The following CLEC9A variants were observed in gnomAD, a reference collection of about 807,000 sequenced individuals.
CLEC9A encodes C-type lectin domain containing 9A.
A neutral mutation model predicts 30.0 loss-of-function variants in CLEC9A; 24 were observed. The ratio of observed to expected loss-of-function variants is 0.80; its 90% CI spans 0.58 to 1.13. The LOEUF (loss-of-function observed/expected upper bound fraction) is 1.13. CLEC9A is among the 50% of genes most tolerant of loss of function. The pLI is 0.00. For missense variants in CLEC9A, 251 were observed against 280.9 expected (o/e 0.89, Z 0.76); for synonymous variants, 111 against 96.8 (o/e 1.15, Z -0.86).
At chr12:10,032,783 C>G (rs1028200165) in intron 1 of CLEC9A, among the ~76,000 whole-genome samples, 25 of 152,122 alleles carry the variant, frequency 1.6e-4, no homozygotes, top group African/African-American at 5.6e-4. Context: ...ACCTTCACCT[C>G]CCAACATGGT....
intron 6 of CLEC9A, among the ~76,000 whole-genome samples, chr12:10,061,594 G>A (rs1179508170): frequency 1.3e-5 from 2 of 152,160 alleles, no homozygotes; most frequent in Admixed American, 6.6e-5. Flanking sequence ...TTGTAAGGAT[G>A]TTTTAGTTCT....
intron 2 of CLEC9A, among the ~76,000 whole-genome samples, chr12:10,046,181 CAGTTCT>C (rs1219166071): frequency 6.6e-6 from 1 of 152,206 alleles, no homozygotes; most frequent in Non-Finnish European, 1.5e-5. Flanking sequence ...TTATACCTCA[CAGTTCT>C]ACAACTTAAA....
At chr12:10,045,953 A>T (rs1031091806) in intron 2 of CLEC9A, among the ~76,000 whole-genome samples, 1 of 152,250 alleles carries the variant, frequency 6.6e-6, no homozygotes, top group Non-Finnish European at 1.5e-5. Flanking sequence ...AGGACAATAT[A>T]GATTAGTGCT....
rs1865905486 is a variant in CLEC9A at position 10,052,763 on chromosome 12, T to G, written c.76T>G (p.Ser26Ala). The change falls in exon 4 of 9, where the codon TCC becomes GCC. Residue 26 changes from serine to alanine, a missense_variant. Coordinates refer to ENST00000355819, the MANE Select transcript of CLEC9A (RefSeq NM_207345.4). ...AGACACTTACCAGAAATGTCTGTCT[T>G]CCAACAAATGTTCAGGTAACCAGTT... is the stretch of plus-strand genomic sequence containing the variant. ...APDTYQKCLS[S>A]NKCSGACCLV... 1 of 1,613,288 alleles carries G rather than the reference T, an allele frequency of 6.2e-7. No individual in the cohort carries two copies. Among genetic ancestry groups the G allele is most frequent in the African/African-American group, 1.3e-5 (1 of 74,768 alleles).
intron 1 of CLEC9A, among the ~76,000 whole-genome samples, chr12:10,032,231 T>A (rs1276278958): frequency 1.3e-5 from 2 of 152,026 alleles, no homozygotes; most frequent in Non-Finnish European, 2.9e-5. Context: ...TAACATACAA[T>A]CTAGCAACCA....
chr12:10,063,918 G>T lies in CLEC9A; in HGVS notation c.471+712G>T, dbSNP rs1041425812. ...AGCTACGTGGGAGGCTGAGGCAGGAGAATTACTTGAACCCAGGAGGTAGAG... is the reference window on the plus strand; with the variant it reads ...AGCTACGTGGGAGGCTGAGGCAGGATAATTACTTGAACCCAGGAGGTAGAG... On this transcript the variant is annotated intron_variant, in intron 7 of 8. Transcript: ENST00000355819. Among the ~76,000 whole-genome samples, 65 of 152,222 alleles carry T rather than the reference G, an allele frequency of 4.3e-4. 1 individual carries two copies. The highest frequency in any genetic ancestry group is 3.4e-3 in the Middle Eastern group (1 of 294).
intron 1 of CLEC9A, among the ~76,000 whole-genome samples, chr12:10,039,508 T>TAAAA (rs1181013533): frequency 2.6e-5 from 4 of 152,216 alleles, no homozygotes; most frequent in African/African-American, 7.2e-5. Context: ...TTGTCCCTCT[T>TAAAA]CCTATCTTGC....
At chr12:10,044,442 C>T (rs1045688181) in intron 2 of CLEC9A, among the ~76,000 whole-genome samples, 1 of 152,198 alleles carries the variant, frequency 6.6e-6, no homozygotes. Context: ...GGCTTTATCT[C>T]CTATTACTTG....
chr12:10,065,499 G>C lies in CLEC9A; in HGVS notation c.594-1G>C. 6.2e-7 allele frequency: 1 copy of C among 1,613,588 alleles called. No individual in the cohort carries two copies. The highest frequency in any genetic ancestry group is 8.5e-7 in the Non-Finnish European group (1 of 1,179,714). On this transcript the variant is annotated splice_acceptor_variant, in intron 8 of 8. Coordinates refer to ENST00000355819, the MANE Select transcript of CLEC9A (RefSeq NM_207345.4). LOFTEE classifies it high-confidence loss of function. ...TCAGAAATGTTGACTTGCTTTTCCAGGTTGCCAGCAGAGAGATCCCAGTCA... is the reference window on the plus strand; with the variant it reads ...TCAGAAATGTTGACTTGCTTTTCCACGTTGCCAGCAGAGAGATCCCAGTCA...
chr12:10,066,030 C>CAA (rs1236976271), exon 9 of CLEC9A: 1 of 153,816 alleles, frequency 6.5e-6, no homozygotes, highest in Non-Finnish European at 1.4e-5. Context: ...CTTTAAAACT[C>CAA]ACTGTCTGTG....
chr12:10,042,262 G>A (rs1476696987), intron 2 of CLEC9A, among the ~76,000 whole-genome samples: 1 of 152,214 alleles, frequency 6.6e-6, no homozygotes, highest in African/African-American at 2.4e-5. Flanking sequence ...ATTAGGAGGA[G>A]TAAGAGTAAG....
At position 10,035,227 on chromosome 12, in the gene CLEC9A, G is replaced by T. The variant is rs575889610; in HGVS notation, c.-318+4255G>T. Among the ~76,000 whole-genome samples the T allele has an allele frequency of 8.5e-5, 13 of 152,300 alleles. 1 individual carries two copies. Among genetic ancestry groups the T allele is most frequent in the African/African-American group, 3.1e-4 (13 of 41,560 alleles). On this transcript the variant is annotated intron_variant, in intron 1 of 8. Transcript: ENST00000355819. ...GTGTCTGCCTGCTAGGGTCTTGGGG[G>T]TTTTATAGGCACAGGATGGGGACAT...
chr12:10,061,872 T>C (rs1327040627), intron 6 of CLEC9A, among the ~76,000 whole-genome samples: 1 of 152,242 alleles, frequency 6.6e-6, no homozygotes, highest in Non-Finnish European at 1.5e-5. Flanking sequence ...TCATAATGCT[T>C]GTACATATAG....
chr12:10,053,291 C>A (rs753931547), intron 4 of CLEC9A, among the ~76,000 whole-genome samples: 1 of 152,126 alleles, frequency 6.6e-6, no homozygotes, highest in Non-Finnish European at 1.5e-5. Flanking sequence ...TATCTTAGGG[C>A]TCTAGATGTC....
intron 5 of CLEC9A, among the ~76,000 whole-genome samples, chr12:10,060,365 T>G (rs1194418588): frequency 1.3e-5 from 2 of 152,184 alleles, no homozygotes; most frequent in Non-Finnish European, 1.5e-5. Context: ...GGAATTCTAC[T>G]CAACAATACA....
intron 2 of CLEC9A, among the ~76,000 whole-genome samples, chr12:10,050,478 G>C (rs1428547151): frequency 6.6e-6 from 1 of 152,178 alleles, no homozygotes; most frequent in East Asian, 1.9e-4. Context: ...CTATTTCATT[G>C]AGCTATTGGT....
Position 10,065,700 on chromosome 12 carries a change from ACCCCCCCTC to A in CLEC9A, c.*69_*77del. ...GCATGCCATTGGAAAACCCACCCCCACCCCCCCTCAAAAAAACAGAACAGTAAACCAAAA... is the reference window on the plus strand; with the variant it reads ...GCATGCCATTGGAAAACCCACCCCCAAAAAAAACAGAACAGTAAACCAAAA... On this transcript the variant is annotated 3_prime_UTR_variant, in exon 9 of 9. Transcript: ENST00000355819. 3 of 1,357,136 alleles carry A rather than the reference ACCCCCCCTC, an allele frequency of 2.2e-6. No individual in the cohort carries two copies. Among genetic ancestry groups the A allele is most frequent in the Admixed American group, 4.9e-5 (2 of 41,218 alleles). 84.1% of individuals were successfully genotyped at this position (1,357,136 alleles called of 1,614,324 possible). A position where few individuals can be genotyped will look rare whatever the true frequency, so the allele number is the denominator to read the frequency against.
At chr12:10,045,252 T>C (rs1865835786) in intron 2 of CLEC9A, among the ~76,000 whole-genome samples, 1 of 152,206 alleles carries the variant, frequency 6.6e-6, no homozygotes. Context: ...CCTATTGTAC[T>C]AGTGTTCCCT....
At chr12:10,044,611 C>G (rs1865829812) in intron 2 of CLEC9A, among the ~76,000 whole-genome samples, 1 of 152,156 alleles carries the variant, frequency 6.6e-6, no homozygotes, top group African/African-American at 2.4e-5. Flanking sequence ...TCTTGTGAAT[C>G]AAGTCTCTAT....
Sources: gnomAD v4.1 joint callset for allele counts (sites outside exome capture counted in the v4.1 genomes callset) on GRCh38, gnomAD v4.1.1 for gene constraint, MANE v1.5 for transcripts, NCBI Gene and HGNC (gene_info 2026-07-23, HGNC 2026-07-21) for gene names.